Variants in GRM3 observed in about 807,000 individuals in gnomAD.
GRM3 encodes metabotropic glutamate receptor 3.
Under a neutral mutation model 70.5 loss-of-function variants are expected in GRM3, and 26 were observed. That is an observed-to-expected ratio of 0.37 (90% confidence interval 0.27 to 0.51). The LOEUF is 0.51. GRM3 is among the 20% of genes least tolerant of loss of function. GRM3 has a pLI of 0.93. For missense variants in GRM3, 859 were observed against 1,123.8 expected, an observed-to-expected ratio of 0.76 and a Z score of 3.37; for synonymous variants, 443 against 434.9, an observed-to-expected ratio of 1.02 and a Z score of -0.23.
At chr7:86,789,035 T>C (rs1008489572) in intron 3 of GRM3, among the ~76,000 whole-genome samples, 1 of 152,178 alleles carries the variant, frequency 6.6e-6, no homozygotes, top group Admixed American at 6.5e-5. Flanking sequence ...AACAAGCCCA[T>C]TATTTGGATA....
intron 3 of GRM3, among the ~76,000 whole-genome samples, chr7:86,829,587 T>C (rs1484722643): frequency 6.6e-6 from 1 of 152,160 alleles, no homozygotes; most frequent in Non-Finnish European, 1.5e-5. Context: ...TATTGTTGTG[T>C]CTCAGGGAAT....
intron 5 of GRM3, among the ~76,000 whole-genome samples, chr7:86,851,079 A>G (rs1030241161): frequency 2.6e-5 from 4 of 152,308 alleles, no homozygotes; most frequent in African/African-American, 7.2e-5. Context: ...TTCCTTTAAC[A>G]TGAGTGTGTT....
chr7:86,703,150 G>A (rs374245380), intron 1 of GRM3, among the ~76,000 whole-genome samples: 2 of 151,754 alleles, frequency 1.3e-5, no homozygotes, highest in East Asian at 3.9e-4. Flanking sequence ...TCTAGAATAT[G>A]AACATTTCTT....
Position 86,816,344 on chromosome 7 carries a change from G to C in GRM3, c.1325-22495G>C, listed in dbSNP as rs2072165354. ...GGTACATGTGCAGATTTATTACATA[G>C]GTAAATTGCATGTCACAGGGATTTG... On this transcript the variant is annotated intron_variant, in intron 3 of 5. Transcript: ENST00000361669. 2.0e-5 allele frequency among the ~76,000 whole-genome samples: 3 copies of C among 151,664 alleles called. No individual in the cohort carries two copies. In the South Asian group the frequency reaches 6.2e-4, roughly 31 times the overall value.
At chr7:86,842,282 T>G (rs1041255118) in intron 4 of GRM3, among the ~76,000 whole-genome samples, 4 of 152,222 alleles carry the variant, frequency 2.6e-5, no homozygotes, top group African/African-American at 9.6e-5. Context: ...TGTTTTGAAA[T>G]AGTTGTCAAA....
Position 86,786,605 on chromosome 7 carries a change from C to A in GRM3, c.813C>A (p.Val271=), listed in dbSNP as rs760724567. 3.4e-5 allele frequency: 55 copies of A among 1,613,480 alleles called. 1 individual carries two copies. In the South Asian group the frequency reaches 5.4e-4, roughly 16 times the overall value. ...TGTTGCAGAAGCCCAACGCGCGCGTCGTGGTCCTCTTCATGCGCAGCGACG... is the reference window on the plus strand; with the variant it reads ...TGTTGCAGAAGCCCAACGCGCGCGTAGTGGTCCTCTTCATGCGCAGCGACG... ...RELLQKPNAR[V]VVLFMRSDDS... Residue 271 remains valine, a synonymous_variant, in exon 3 of 6, where the codon GTC becomes GTA. Transcript: ENST00000361669. This position sits in a 1 kb window ranked among gnomAD's most constrained non-coding sequence, Gnocchi z 6.0.
intron 1 of GRM3, among the ~76,000 whole-genome samples, chr7:86,658,132 G>A (rs564969494): frequency 7.3e-4 from 111 of 152,228 alleles, no homozygotes; most frequent in Non-Finnish European, 1.4e-3. Flanking sequence ...TCTCTCCAGG[G>A]CTCTGCAAGA....
chr7:86,748,355 C>T (rs994348837), intron 1 of GRM3, among the ~76,000 whole-genome samples: 16 of 152,086 alleles, frequency 1.1e-4, no homozygotes, highest in Middle Eastern at 3.4e-3. Flanking sequence ...AATTCGAAGT[C>T]ATTTGGAGGC....
intron 3 of GRM3, among the ~76,000 whole-genome samples, chr7:86,800,238 C>T (rs1797650848): frequency 6.6e-6 from 1 of 152,064 alleles, no homozygotes; most frequent in Non-Finnish European, 1.5e-5. Context: ...AACTAGAGAA[C>T]CAAGAGCAAT....
At chr7:86,770,526 T>A (rs1383894174) in intron 2 of GRM3, among the ~76,000 whole-genome samples, 2 of 152,022 alleles carry the variant, frequency 1.3e-5, no homozygotes, top group Non-Finnish European at 2.9e-5. Flanking sequence ...TTGCAGTAAA[T>A]TTCACAGGTT....
At chr7:86,781,455 C>A (rs966165994) in intron 2 of GRM3, among the ~76,000 whole-genome samples, 5 of 151,988 alleles carry the variant, frequency 3.3e-5, no homozygotes, top group African/African-American at 4.8e-5. Context: ...TTCATTTTTT[C>A]TAGTTTTTTC....
chr7:86,702,730 A>G (rs746033067), intron 1 of GRM3, among the ~76,000 whole-genome samples: 15 of 151,936 alleles, frequency 9.9e-5, no homozygotes, highest in Non-Finnish European at 2.1e-4. Flanking sequence ...TTTGTTGTTT[A>G]TAACATAGTA....
chr7:86,730,738 C>T (rs568409308), intron 1 of GRM3, among the ~76,000 whole-genome samples: 5 of 152,266 alleles, frequency 3.3e-5, no homozygotes, highest in African/African-American at 9.6e-5. Flanking sequence ...TTAACTCTTT[C>T]GCCATTTATT....
At chr7:86,648,745 A>C (rs2115759189) in intron 1 of GRM3, among the ~76,000 whole-genome samples, 1 of 152,236 alleles carries the variant, frequency 6.6e-6, no homozygotes, top group African/African-American at 2.4e-5. Context: ...AAAACATAAA[A>C]AAACAGGTTT....
chr7:86,734,650 C>T (rs774599367), intron 1 of GRM3, among the ~76,000 whole-genome samples: 1 of 152,324 alleles, frequency 6.6e-6, no homozygotes, highest in Non-Finnish European at 1.5e-5. Flanking sequence ...ATATAAATGT[C>T]CTTCACAGAC....
intron 1 of GRM3, among the ~76,000 whole-genome samples, chr7:86,655,951 T>C (rs2282960): frequency 0.49 from 73,818 of 151,630 alleles, 18,685 homozygotes; most frequent in East Asian, 0.8. Flanking sequence ...CATCTGACCA[T>C]ACCTCCTCCG....
chr7:86,828,681 A>G (rs1014006995), intron 3 of GRM3, among the ~76,000 whole-genome samples: 2 of 152,198 alleles, frequency 1.3e-5, no homozygotes, highest in Admixed American at 6.5e-5. Context: ...GTCTTGCCTC[A>G]GTGTTGATGG....
At chr7:86,826,815 C>G (rs1798243485) in intron 3 of GRM3, among the ~76,000 whole-genome samples, 2 of 152,174 alleles carry the variant, frequency 1.3e-5, no homozygotes, top group Non-Finnish European at 2.9e-5. Context: ...GGATGTTCAG[C>G]AACATCCCTG....
chr7:86,849,469 T>C (rs1007144951), intron 4 of GRM3, among the ~76,000 whole-genome samples: 21 of 152,174 alleles, frequency 1.4e-4, no homozygotes, highest in Admixed American at 3.3e-4. Flanking sequence ...TCTAAAATTA[T>C]GTGGCTTCTC....
Sources: allele counts gnomAD v4.1 joint callset (sites outside exome capture counted in the v4.1 genomes callset), GRCh38; gene constraint gnomAD v4.1.1; non-coding constraint Gnocchi (gnomAD v3.1); transcripts MANE v1.5; gene names NCBI Gene and HGNC (gene_info 2026-07-23, HGNC 2026-07-21).